The following GPATCH2L variants were observed in gnomAD, a reference collection of about 807,000 sequenced individuals.
The protein encoded by GPATCH2L is G-patch domain containing 2 like.
Under a neutral mutation model 57.4 loss-of-function variants are expected in GPATCH2L, and 31 were observed. The ratio of observed to expected loss-of-function variants is 0.54; its 90% CI spans 0.41 to 0.73. The LOEUF (loss-of-function observed/expected upper bound fraction) is 0.73, where lower values mean the gene tolerates loss of function less well. Among genes scored for constraint, GPATCH2L ranks in the 30% least tolerant of loss-of-function variants. GPATCH2L has a pLI of 0.00. For missense variants in GPATCH2L, 481 were observed against 599.9 expected, an observed-to-expected ratio of 0.80 and a Z score of 2.07; for synonymous variants, 199 against 210.7, an observed-to-expected ratio of 0.94 and a Z score of 0.48.
chr14:76,189,866 G>A (rs752256871), intron 8 of GPATCH2L, among the ~76,000 whole-genome samples: 1 of 151,944 alleles, frequency 6.6e-6, no homozygotes, highest in South Asian at 2.1e-4. Flanking sequence ...TTGTGTTGAG[G>A]TATGTTCCTT....
downstream of GPATCH2L, among the ~76,000 whole-genome samples, chr14:76,215,943 G>T (rs1231213352): frequency 6.6e-6 from 1 of 151,914 alleles, no homozygotes; most frequent in Admixed American, 6.6e-5. Flanking sequence ...TAAAAAAAAT[G>T]ACATGAAAGC....
intron 2 of GPATCH2L, chr14:76,234,403 T>C (rs2040588471): frequency 6.6e-6 from 1 of 152,190 alleles, no homozygotes; most frequent in Non-Finnish European, 1.5e-5. Context: ...GGCTGTGGCT[T>C]GCCTCTAGCC....
At chr14:76,224,000 A>C (rs1454138787) in intron 1 of GPATCH2L, among the ~76,000 whole-genome samples, 1 of 152,204 alleles carries the variant, frequency 6.6e-6, no homozygotes, top group Non-Finnish European at 1.5e-5. Context: ...GTACCTATCA[A>C]CTGATGAATG....
At chr14:76,157,914 A>G (rs2038386779) in intron 2 of GPATCH2L, among the ~76,000 whole-genome samples, 1 of 152,054 alleles carries the variant, frequency 6.6e-6, no homozygotes. Flanking sequence ...TTGCATAGAG[A>G]TCAAACTATT....
chr14:76,219,729 G>A (rs780693405), intron 1 of GPATCH2L, among the ~76,000 whole-genome samples: 1 of 152,146 alleles, frequency 6.6e-6, no homozygotes, highest in Non-Finnish European at 1.5e-5. Flanking sequence ...AAAGGAAAAG[G>A]TTAGGGTTTT....
intron 1 of GPATCH2L, among the ~76,000 whole-genome samples, chr14:76,220,524 G>A (rs2066805980): frequency 6.6e-6 from 1 of 152,206 alleles, no homozygotes; most frequent in Non-Finnish European, 1.5e-5. Flanking sequence ...AGACCTAGAA[G>A]TACCTGATAG....
At chr14:76,178,107 A>G (rs776380296) in intron 7 of GPATCH2L, 65 bp downstream of exon 7, 41 of 1,352,136 alleles carry the variant, frequency 3.0e-5, no homozygotes, top group Non-Finnish European at 4.0e-5. Context: ...AGTATCCAAC[A>G]CTTACTGGTA....
At chr14:76,183,296 T>G (rs2039645552) in intron 8 of GPATCH2L, among the ~76,000 whole-genome samples, 1 of 152,246 alleles carries the variant, frequency 6.6e-6, no homozygotes. Flanking sequence ...ATATTGCTTA[T>G]TGTTTTAGAC....
intron 3 of GPATCH2L, among the ~76,000 whole-genome samples, chr14:76,167,609 T>C (rs950956973): frequency 1.3e-4 from 20 of 152,192 alleles, no homozygotes; most frequent in African/African-American, 4.8e-4. Flanking sequence ...GGGGCCAGCA[T>C]CTTGTTCATG....
rs1004509908 is a variant in GPATCH2L at position 76,219,745 on chromosome 14, G to C, written c.66-10063G>C. ...AAGGAAAAGGTTAGGGTTTTACTGG[G>C]GAAAGAGGAGGTTATACAAGTCGTT... On this transcript the variant is annotated intron_variant and NMD_transcript_variant, in intron 1 of 3. Transcript: ENST00000556372. Among the ~76,000 whole-genome samples, 6 of 152,162 alleles carry C rather than the reference G, an allele frequency of 3.9e-5. No individual in the cohort carries two copies. In the South Asian group the frequency reaches 8.3e-4, roughly 21 times the overall value.
intron 5 of GPATCH2L, chr14:76,174,291 A>G (rs1594941875): frequency 6.6e-6 from 1 of 152,310 alleles, no homozygotes; most frequent in African/African-American, 2.4e-5. Context: ...GTCTACTTTT[A>G]TCTTTTTACA....
chr14:76,164,106 A>C (rs1005859222), intron 2 of GPATCH2L, among the ~76,000 whole-genome samples: 8 of 152,138 alleles, frequency 5.3e-5, no homozygotes, highest in Non-Finnish European at 1.0e-4. Context: ...GCCCTGGCCC[A>C]GCCCTGGCAA....
chr14:76,172,793 G>A (rs1170846325), intron 4 of GPATCH2L, among the ~76,000 whole-genome samples: 3 of 152,294 alleles, frequency 2.0e-5, no homozygotes, highest in South Asian at 4.1e-4. Context: ...ATCACACTAC[G>A]AGATGTAAAC....
downstream of GPATCH2L, among the ~76,000 whole-genome samples, chr14:76,219,291 GGAGATTAACA>G (rs1222129338): frequency 6.6e-6 from 1 of 152,130 alleles, no homozygotes; most frequent in Non-Finnish European, 1.5e-5. Flanking sequence ...AATGGGCAAA[GGAGATTAACA>G]GAGACATGTA....
intron 9 of GPATCH2L, among the ~76,000 whole-genome samples, chr14:76,198,529 A>G (rs997402773): frequency 4.6e-5 from 7 of 152,192 alleles, no homozygotes; most frequent in Non-Finnish European, 1.5e-5. Context: ...CCTTTTGATA[A>G]AGCGGAATTG....
rs2040206839 is a variant in GPATCH2L at position 76,197,961 on chromosome 14, T to C, written c.1288+1989T>C. Among the ~76,000 whole-genome samples the C allele has an allele frequency of 2.6e-5, 4 of 152,182 alleles. No homozygotes were observed. In the South Asian group the frequency reaches 6.2e-4, roughly 24 times the overall value. On this transcript the variant is annotated intron_variant, in intron 9 of 9. Transcript: ENST00000261530. ...TTCCCTTTTTCCCCTCCCCCAGTGG[T>C]AGAAAGTTTTGAGTTGCAATTGACT... is the stretch of plus-strand genomic sequence containing the variant.
intron 9 of GPATCH2L, among the ~76,000 whole-genome samples, chr14:76,197,870 G>A (rs748771674): frequency 2.6e-5 from 4 of 152,104 alleles, no homozygotes; most frequent in Non-Finnish European, 5.9e-5. Flanking sequence ...TCAGATCTCT[G>A]CCAACACTCT....
chr14:76,178,212 G>C (rs1383112393), intron 7 of GPATCH2L, 170 bp downstream of exon 7: 14 of 1,498,152 alleles, frequency 9.3e-6, no homozygotes, highest in Non-Finnish European at 1.3e-5. Flanking sequence ...TTTTAGTTTT[G>C]AACTTTGCAG....
At chr14:76,221,240 C>T (rs2040513919) in intron 1 of GPATCH2L, among the ~76,000 whole-genome samples, 1 of 149,790 alleles carries the variant, frequency 6.7e-6, no homozygotes, top group African/African-American at 2.4e-5. Context: ...AGAAGATATA[C>T]AGATGGAAAA....
Sources: allele counts gnomAD v4.1 joint callset (sites outside exome capture counted in the v4.1 genomes callset), GRCh38; gene constraint gnomAD v4.1.1; transcripts MANE v1.5; gene names NCBI Gene and HGNC (gene_info 2026-07-23, HGNC 2026-07-21).